Variants in USH1C observed in about 807,000 individuals in gnomAD.
USH1C encodes harmonin.
USH1C carries 90 observed loss-of-function variants against 119.3 expected under a neutral mutation model. The observed-to-expected ratio is 0.75, with a 90% confidence interval of 0.64 to 0.90. USH1C has a LOEUF of 0.90. USH1C is among the 40% of genes least tolerant of loss of function. The pLI is 0.00. For missense variants in USH1C, 1,165 were observed against 1,167.7 expected, an observed-to-expected ratio of 1.00 and a Z score of 0.03; for synonymous variants, 465 against 443.3, an observed-to-expected ratio of 1.05 and a Z score of -0.62.
At chr11:17,509,301 C>A (rs1849764995) in intron 18 of USH1C, 55 bp downstream of exon 18, 7 of 1,512,312 alleles carry the variant, frequency 4.6e-6, no homozygotes, top group Admixed American at 4.2e-5. Flanking sequence ...TGGGAAACAG[C>A]AGTTCTCCCC....
At chr11:17,517,578 T>G in intron 14 of USH1C, 1 of 1,125,836 alleles carries the variant, frequency 8.9e-7, no homozygotes. Context: ...ATCAGCTTCC[T>G]CCATGGGAGC....
intron 1 of USH1C, among the ~76,000 whole-genome samples, chr11:17,540,794 G>C (rs960841853): frequency 1.3e-4 from 20 of 152,104 alleles, no homozygotes; most frequent in Non-Finnish European, 2.5e-4. Context: ...CTGGGCTCCT[G>C]CAGGAGCCTC....
intron 5 of USH1C, 83 bp from the exon 6 acceptor site, chr11:17,527,123 CG>C: frequency 3.3e-5 from 32 of 963,926 alleles, no homozygotes; most frequent in Non-Finnish European, 3.6e-5. Context: ...CCTGCTCCCC[CG>C]CCCTCCCTCC....
chr11:17,512,862 G>C (rs1428182208), intron 15 of USH1C, among the ~76,000 whole-genome samples: 1 of 152,078 alleles, frequency 6.6e-6, no homozygotes. Flanking sequence ...ATTTGGGGAG[G>C]GACATGAAAG....
At chr11:17,516,080 T>C (rs1850130986) in intron 15 of USH1C, among the ~76,000 whole-genome samples, 161 bp downstream of exon 15, 1 of 152,220 alleles carries the variant, frequency 6.6e-6, no homozygotes, top group Admixed American at 6.5e-5. Flanking sequence ...CACCCTGCCA[T>C]TTGATGTCAG....
intron 8 of USH1C, among the ~76,000 whole-genome samples, chr11:17,525,928 C>T (rs1023440573): frequency 7.2e-5 from 11 of 152,270 alleles, no homozygotes; most frequent in African/African-American, 2.2e-4. Context: ...AGGCTGGGTG[C>T]GGTGCTTCAT....
chr11:17,502,062 G>C, intron 20 of USH1C, 82 bp from the exon 21 acceptor site: 1 of 1,446,210 alleles, frequency 6.9e-7, no homozygotes, highest in Non-Finnish European at 9.6e-7. Context: ...ATGAATGGTC[G>C]GAATCCAAGG....
chr11:17,534,365 C>T (rs921317841), intron 1 of USH1C, among the ~76,000 whole-genome samples: 10 of 152,212 alleles, frequency 6.6e-5, no homozygotes, highest in African/African-American at 2.4e-4. Flanking sequence ...TGGGCCCAGC[C>T]CTTGGGATTT....
chr11:17,540,672 C>A (rs1307480776), intron 1 of USH1C, among the ~76,000 whole-genome samples: 1 of 152,180 alleles, frequency 6.6e-6, no homozygotes, highest in Non-Finnish European at 1.5e-5. Flanking sequence ...ACCCTTGATG[C>A]CTCTCTTTCT....
rs373404855 is a variant in USH1C at position 17,542,256 on chromosome 11, A to T, written c.36+2016T>A. Among the ~76,000 whole-genome samples the T allele has an allele frequency of 5.9e-5, 9 of 152,360 alleles. No individual in the cohort carries two copies. The South Asian group carries it at 1.9e-3, about 32-fold the overall frequency. ...GATCACAAACCATTTCTTCCAAAAC[A>T]CTAAGGAAGGGACCCCTACAAAGCA... is the stretch of plus-strand genomic sequence containing the variant. On this transcript the variant is annotated intron_variant, in intron 1 of 26. Transcript: ENST00000005226.
intron 20 of USH1C, among the ~76,000 whole-genome samples, chr11:17,503,847 C>A (rs967620916): frequency 6.6e-6 from 1 of 152,234 alleles, no homozygotes; most frequent in African/African-American, 2.4e-5. Flanking sequence ...ATTAAATTGA[C>A]AAATCCTTGG....
At chr11:17,494,750 A>G (rs534620902) in intron 26 of USH1C, 1 of 334,486 alleles carries the variant, frequency 3.0e-6, no homozygotes, top group Admixed American at 4.0e-5. Context: ...GGAAAGTTGT[A>G]ACAGAAAAGT....
At position 17,510,495 on chromosome 11, in the gene USH1C, A is replaced by G. The variant is rs778986415; in HGVS notation, c.1440T>C (p.Leu480=). The part of the protein sequence containing the change: ...QEVSETERED[L]EESEKIQYWV... The stretch of plus-strand genomic sequence containing the variant: ...AATATTGAATCTTTTCCGATTCTTC[A>G]AGGTCTTCCCGCTCTGTCTCAGACA... The change falls in exon 17 of 27, where the codon CTT becomes CTC. Residue 480 remains leucine, a synonymous_variant. Transcript: ENST00000005226. The G allele has an allele frequency of 2.5e-6, 4 of 1,613,974 alleles. No homozygotes were observed. The highest frequency in any genetic ancestry group is 3.4e-6 in the Non-Finnish European group (4 of 1,179,954).
At position 17,533,167 on chromosome 11, in the gene USH1C, C is replaced by T. The variant is rs890370463; in HGVS notation, c.104+88G>A. The T allele has an allele frequency of 8.3e-6, 8 of 966,266 alleles. No homozygotes were observed. In the Admixed American group the frequency reaches 1.2e-4, roughly 14 times the overall value. 59.9% of individuals were successfully genotyped at this position (966,266 alleles called of 1,614,324 possible). On this transcript the variant is annotated intron_variant, in intron 2 of 26. Transcript: ENST00000005226. ...GAGCCGTGAGCATCCACCCTCTGAGCTCCTCTGTCTCAGAACAACCCATCC... is the reference window on the plus strand; with the variant it reads ...GAGCCGTGAGCATCCACCCTCTGAGTTCCTCTGTCTCAGAACAACCCATCC...
In USH1C at chr11:17,495,822, G is replaced by T. The variant is rs79007493; in HGVS notation, c.2547-145C>A. On this transcript the variant is annotated intron_variant, in intron 25 of 26. Coordinates refer to ENST00000005226, the MANE Select transcript of USH1C (RefSeq NM_153676.4). ...CAGAATTAGGAGCTGCGAGACCCTG[G>T]TTTCTCCAAGACATGTGTAGAGCTC... The T allele has an allele frequency of 6.2e-4, 499 of 802,014 alleles. 2 individuals are homozygous for T. The African/African-American group carries it at 8.5e-3, about 14-fold the overall frequency. 49.7% of individuals were successfully genotyped at this position (802,014 alleles called of 1,614,324 possible). A position where few individuals can be genotyped will look rare whatever the true frequency, so the allele number is the denominator to read the frequency against.
chr11:17,504,152 C>T (rs1481449767), intron 20 of USH1C, among the ~76,000 whole-genome samples: 1 of 152,200 alleles, frequency 6.6e-6, no homozygotes, highest in Non-Finnish European at 1.5e-5. Context: ...CGTCCCTGTG[C>T]ACAGGAGTGC....
At position 17,528,277 on chromosome 11, in the gene USH1C, A is replaced by G. The variant is rs138298430; in HGVS notation, c.388-946T>C. ...TGGATTGTTGAGATGGGCCCTGGGC[A>G]GCCAGCCCTGGATACAGAGCCGTGG... On this transcript the variant is annotated intron_variant, in intron 4 of 26. Coordinates refer to ENST00000005226, the MANE Select transcript of USH1C (RefSeq NM_153676.4). 4.9e-4 allele frequency among the ~76,000 whole-genome samples: 74 copies of G among 152,344 alleles called. No homozygotes were observed. In the East Asian group the frequency reaches 0.014, roughly 28 times the overall value.
chr11:17,523,139 T>C, intron 11 of USH1C, 72 bp downstream of exon 11: 1 of 1,607,576 alleles, frequency 6.2e-7, no homozygotes, highest in South Asian at 1.1e-5. Flanking sequence ...TGGGAGTGTG[T>C]GGCAGAGATC....
chr11:17,527,735 G>T (rs1850774012), intron 4 of USH1C, among the ~76,000 whole-genome samples: 1 of 152,166 alleles, frequency 6.6e-6, no homozygotes, highest in Non-Finnish European at 1.5e-5. Flanking sequence ...CCGGGACTTT[G>T]TCCCAACCCA....
Sources: allele counts gnomAD v4.1 joint callset (sites outside exome capture counted in the v4.1 genomes callset), GRCh38; gene constraint gnomAD v4.1.1; transcripts MANE v1.5; gene names NCBI Gene and HGNC (gene_info 2026-07-23, HGNC 2026-07-21).